The following TTC33 variants were observed in gnomAD, a reference collection of about 807,000 sequenced individuals.
TTC33 encodes the protein tetratricopeptide repeat protein 33.
Under a neutral mutation model 29.4 loss-of-function variants are expected in TTC33, and 24 were observed. That is an observed-to-expected ratio of 0.82 (90% CI 0.59 to 1.15). TTC33 has a LOEUF of 1.15. Ranked by LOEUF, TTC33 falls within the 50% of genes most tolerant of loss-of-function variation. The pLI, the probability that TTC33 is intolerant of heterozygous loss-of-function variation, is 0.00. For missense variants in TTC33, 286 were observed against 310.4 expected (o/e 0.92, Z 0.59); for synonymous variants, 107 against 100.3 (o/e 1.07, Z -0.40).
intron 4 of TTC33, among the ~76,000 whole-genome samples, chr5:40,717,074 C>T (rs1742016312): frequency 6.6e-6 from 1 of 151,784 alleles, no homozygotes; most frequent in African/African-American, 2.4e-5. Context: ...ACTAAAAATA[C>T]AAAAATTAGC....
At position 40,711,824 on chromosome 5, in the gene TTC33, C is replaced by A. The variant is rs2111848897; in HGVS notation, c.*4321G>T. 6.6e-6 allele frequency among the ~76,000 whole-genome samples: 1 copy of A among 151,982 alleles called. No homozygotes were observed. Among genetic ancestry groups the A allele is most frequent in the South Asian group, 2.1e-4 (1 of 4,800 alleles). On this transcript the variant is annotated 3_prime_UTR_variant, in exon 5 of 5. Transcript: ENST00000337702. ...CACAAAAAGAGTGCATATTATATGG[C>A]CTATTTATTTCAAACTCTAGAATTC...
At chr5:40,736,269 C>T (rs186382137) in intron 2 of TTC33, among the ~76,000 whole-genome samples, 24 of 152,284 alleles carry the variant, frequency 1.6e-4, no homozygotes, top group Admixed American at 1.5e-3. Flanking sequence ...GAGCATGAGG[C>T]AAAACCACTG....
intron 1 of TTC33, among the ~76,000 whole-genome samples, chr5:40,749,517 A>G (rs1052435215): frequency 6.6e-6 from 1 of 152,228 alleles, no homozygotes; most frequent in African/African-American, 2.4e-5. Flanking sequence ...TGAAACTACC[A>G]AAGAATGGGC....
intron 2 of TTC33, among the ~76,000 whole-genome samples, chr5:40,733,502 C>G (rs1201438947): frequency 1.6e-4 from 24 of 151,954 alleles, no homozygotes. Context: ...TCTACTTGGC[C>G]CAACCACTGT....
At chr5:40,739,184 A>G (rs1320567123) in intron 2 of TTC33, among the ~76,000 whole-genome samples, 1 of 152,230 alleles carries the variant, frequency 6.6e-6, no homozygotes. Flanking sequence ...ATTAAGTAAT[A>G]TAAGTTCCCT....
intron 2 of TTC33, among the ~76,000 whole-genome samples, chr5:40,740,546 A>C (rs942016604): frequency 6.6e-6 from 1 of 152,152 alleles, no homozygotes; most frequent in Non-Finnish European, 1.5e-5. Context: ...GCAAGGATAA[A>C]TATCTCATGG....
chr5:40,725,461 G>T (rs188508566), intron 4 of TTC33, among the ~76,000 whole-genome samples: 38 of 152,290 alleles, frequency 2.5e-4, no homozygotes, highest in South Asian at 1.9e-3. Context: ...TGGCTAAAAT[G>T]AGACTTGGAA....
intron 2 of TTC33, among the ~76,000 whole-genome samples, chr5:40,742,378 A>G (rs1475068758): frequency 6.6e-6 from 1 of 152,194 alleles, no homozygotes; most frequent in African/African-American, 2.4e-5. Flanking sequence ...CAGGCAATAT[A>G]TTAAGTACAT....
rs1742794886 is a variant in TTC33, at chr5:40,746,738, C to T, written c.221+60G>A. On this transcript the variant is annotated intron_variant, in intron 2 of 4. Coordinates refer to ENST00000337702, the MANE Select transcript of TTC33 (RefSeq NM_012382.3). ...AAATTCATAACTCTTCATCCCATTA[C>T]GGACAGTGAGCTAGAAAATGTAAGC... 16 of 1,253,690 alleles carry T rather than the reference C, an allele frequency of 1.3e-5. 1 individual carries two copies. The highest frequency in any genetic ancestry group is 5.7e-5 in the South Asian group (4 of 70,038). 77.7% of individuals were successfully genotyped at this position (1,253,690 alleles called of 1,614,324 possible). A position where few individuals can be genotyped will look rare whatever the true frequency, so the allele number is the denominator to read the frequency against.
rs200612315 is a variant in TTC33, at chr5:40,723,864, C to CA, written c.435+4480dup. ...TGGGCGACAGAGCAAGATTCCCTCT[C>CA]AAAAAAAAACAAACAAACAAAAAGG... On this transcript the variant is annotated intron_variant, in intron 4 of 4. Transcript: ENST00000337702. 3.3e-3 allele frequency among the ~76,000 whole-genome samples: 498 copies of CA among 149,544 alleles called. 12 individuals carry two copies. Among genetic ancestry groups the CA allele is most frequent in the Admixed American group, 0.027 (408 of 14,990 alleles).
intron 2 of TTC33, among the ~76,000 whole-genome samples, chr5:40,743,567 G>T (rs924070461): frequency 2.0e-5 from 3 of 151,780 alleles, no homozygotes; most frequent in Non-Finnish European, 4.4e-5. Context: ...GAGGTCAGGG[G>T]TTCAAGACCA....
At chr5:40,722,453 G>T (rs1470627790) in intron 4 of TTC33, among the ~76,000 whole-genome samples, 2 of 151,744 alleles carry the variant, frequency 1.3e-5, no homozygotes, top group Non-Finnish European at 2.9e-5. Flanking sequence ...TCCAGTCTAG[G>T]AAGTGAGGAG....
chr5:40,748,610 C>G (rs1742842973), intron 1 of TTC33, among the ~76,000 whole-genome samples: 1 of 152,058 alleles, frequency 6.6e-6, no homozygotes, highest in Non-Finnish European at 1.5e-5. Flanking sequence ...TATAAGACAT[C>G]TAGGAATTGT....
intron 2 of TTC33, among the ~76,000 whole-genome samples, chr5:40,738,466 A>G (rs1306735360): frequency 7.4e-6 from 1 of 134,558 alleles, no homozygotes; most frequent in Non-Finnish European, 1.5e-5. Context: ...ATACAATACA[A>G]TACAATACAA....
Position 40,722,745 on chromosome 5 carries a change from T to C in TTC33, c.435+5600A>G, listed in dbSNP as rs1261005241. Reference sequence around the variant, plus strand: ...GTCCGGGAGGTGGCGGGGCAGCCCCTGCCCGGCCAGACGCCCCGTCCCGGA... The same window carrying C: ...GTCCGGGAGGTGGCGGGGCAGCCCCCGCCCGGCCAGACGCCCCGTCCCGGA... On this transcript the variant is annotated intron_variant, in intron 4 of 4. Transcript: ENST00000337702. Among the ~76,000 whole-genome samples the C allele has an allele frequency of 2.7e-5, 4 of 149,292 alleles. No individual in the cohort carries two copies. In the East Asian group the frequency reaches 8.0e-4, roughly 30 times the overall value.
At position 40,728,146 on chromosome 5, in the gene TTC33, T is replaced by C. The variant is rs1742334007; in HGVS notation, c.435+199A>G. Among the ~76,000 whole-genome samples, 4 of 151,594 alleles carry C rather than the reference T, an allele frequency of 2.6e-5. No homozygotes were observed. In the South Asian group the frequency reaches 8.3e-4, roughly 32 times the overall value. The stretch of plus-strand genomic sequence containing the variant: ...AAAATACAAAAACATTAGCCAGGCA[T>C]GGTGGCGCATGCCTATAGTCCCAGC... On this transcript the variant is annotated intron_variant, in intron 4 of 4. Coordinates refer to ENST00000337702, the MANE Select transcript of TTC33 (RefSeq NM_012382.3).
chr5:40,717,989 G>A (rs1742038272), intron 4 of TTC33, among the ~76,000 whole-genome samples: 1 of 151,992 alleles, frequency 6.6e-6, no homozygotes, highest in Non-Finnish European at 1.5e-5. Flanking sequence ...TTGAACTCGG[G>A]AGGCGGAGGT....
chr5:40,736,916 A>G (rs1171884568), intron 2 of TTC33, among the ~76,000 whole-genome samples: 1 of 152,198 alleles, frequency 6.6e-6, no homozygotes, highest in Non-Finnish European at 1.5e-5. Flanking sequence ...TTAAGCACCA[A>G]AATTTCTTGG....
intron 4 of TTC33, among the ~76,000 whole-genome samples, chr5:40,723,982 AAAAATT>A (rs1742219182): frequency 6.6e-6 from 1 of 152,240 alleles, no homozygotes; most frequent in South Asian, 2.1e-4. Flanking sequence ...AGTTTCTTCA[AAAAATT>A]AAAATTAGAA....
Sources: allele counts gnomAD v4.1 joint callset (sites outside exome capture counted in the v4.1 genomes callset), GRCh38; gene constraint gnomAD v4.1.1; transcripts MANE v1.5; gene names NCBI Gene and HGNC (gene_info 2026-07-23, HGNC 2026-07-21).